DPYSL2: variants seen among roughly 807,000 people sequenced by gnomAD.
DPYSL2 encodes dihydropyrimidinase-related protein 2.
Under a neutral mutation model 69.9 loss-of-function variants are expected in DPYSL2, and 13 were observed. That is an observed-to-expected ratio of 0.19 (90% CI 0.12 to 0.30). DPYSL2 has a LOEUF of 0.30. Ranked by LOEUF, DPYSL2 falls within the 10% of genes least tolerant of loss-of-function variation. DPYSL2 has a pLI of 1.00. For synonymous variants in DPYSL2, 326 were observed against 359.1 expected (o/e 0.91, Z 1.04); for missense variants, 587 against 918.9 (o/e 0.64, Z 4.67).
intron 1 of DPYSL2, among the ~76,000 whole-genome samples, chr8:26,539,562 C>G (rs1800646611): frequency 6.6e-6 from 1 of 152,150 alleles, no homozygotes; most frequent in Non-Finnish European, 1.5e-5. Flanking sequence ...TATTTATAGA[C>G]AGAGTCTCAC....
At chr8:26,558,242 C>G (rs957346127) in intron 1 of DPYSL2, among the ~76,000 whole-genome samples, 2 of 152,064 alleles carry the variant, frequency 1.3e-5, no homozygotes, top group Non-Finnish European at 2.9e-5. Flanking sequence ...CATTCAGACA[C>G]TGGAATATTA....
rs983983873 is a variant in DPYSL2, at chr8:26,514,153, C to T, written c.-173C>T. ...GGAGAAGCGGGGTCAGGGGGAGGGA[C>T]CGGGAGGGTGGGTCGCCGGCTCGCC... On this transcript the variant is annotated 5_prime_UTR_variant, in exon 1 of 14. Transcript: ENST00000521913. The surrounding 1 kb of genome is among the most constrained non-coding windows in gnomAD (Gnocchi z 8.4). 2.1e-6 allele frequency: 1 copy of T among 485,186 alleles called. No individual in the cohort carries two copies. The highest frequency in any genetic ancestry group is 3.4e-6 in the Non-Finnish European group (1 of 293,762). The allele number at this position is 485,186 out of a possible 1,614,324, so 30.1% of individuals were successfully genotyped here.
At chr8:26,596,659 C>T (rs1044492887) in intron 3 of DPYSL2, among the ~76,000 whole-genome samples, 1 of 152,200 alleles carries the variant, frequency 6.6e-6, no homozygotes, top group Admixed American at 6.5e-5. Flanking sequence ...TTCCATCAAC[C>T]CCGAAGATAG....
rs1426050353 is a variant in DPYSL2 at position 26,609,827 on chromosome 8, G to A, written c.629-14316G>A. On this transcript the variant is annotated intron_variant, in intron 3 of 13. Coordinates refer to ENST00000521913, the MANE Select transcript of DPYSL2 (RefSeq NM_001197293.3). The surrounding 1 kb of genome is among the most constrained non-coding windows in gnomAD (Gnocchi z 6.5). ...GCACTCTTTCTGTAATTTGTTCATC[G>A]CCTGGAATTTATTTCTGGCAGACTT... Among the ~76,000 whole-genome samples the A allele has an allele frequency of 2.6e-5, 4 of 152,274 alleles. No homozygotes were observed. The South Asian group carries it at 6.2e-4, about 24-fold the overall frequency.
chr8:26,650,578 G>A lies in DPYSL2; in HGVS notation c.1597-1679G>A, dbSNP rs536810718. On this transcript the variant is annotated intron_variant, in intron 11 of 13. Transcript: ENST00000521913. The surrounding 1 kb of genome is among the most constrained non-coding windows in gnomAD (Gnocchi z 5.3). ...AGTCACACAACTTCTGGATTTTACC[G>A]TATCTGAGATGCCATCGATTTTAAG... 4.6e-5 allele frequency among the ~76,000 whole-genome samples: 7 copies of A among 152,184 alleles called. No individual in the cohort carries two copies. The South Asian group carries it at 1.0e-3, about 23-fold the overall frequency.
At chr8:26,527,674 C>T (rs1353171714) in intron 1 of DPYSL2, among the ~76,000 whole-genome samples, 1 of 151,760 alleles carries the variant, frequency 6.6e-6, no homozygotes, top group East Asian at 1.9e-4. Flanking sequence ...AAAATTATCA[C>T]AATATTATTT....
chr8:26,611,429 C>T (rs979699617), intron 3 of DPYSL2, among the ~76,000 whole-genome samples: 2 of 152,114 alleles, frequency 1.3e-5, no homozygotes, highest in East Asian at 1.9e-4. Flanking sequence ...CTGGAGGACA[C>T]GGTGGTGGTG....
At chr8:26,521,416 C>T (rs1330229116) in intron 1 of DPYSL2, among the ~76,000 whole-genome samples, 1 of 152,098 alleles carries the variant, frequency 6.6e-6, no homozygotes, top group Non-Finnish European at 1.5e-5. Flanking sequence ...ATCTCTAATG[C>T]TCCTTCTATC....
rs1044161610 is a variant in DPYSL2, at chr8:26,514,894, C to T, written c.354+215C>T. On this transcript the variant is annotated intron_variant, in intron 1 of 13. Transcript: ENST00000521913. This position sits in a 1 kb window ranked among gnomAD's most constrained non-coding sequence, Gnocchi z 8.4. ...GCCGTGCGCCCACAAAGGCTGCCCG[C>T]GTCTCCTTGAGCTTGAGAGGTGGGG... Among the ~76,000 whole-genome samples, 4 of 152,196 alleles carry T rather than the reference C, an allele frequency of 2.6e-5. No individual in the cohort carries two copies. Among genetic ancestry groups the T allele is most frequent in the Admixed American group, 2.6e-4 (4 of 15,284 alleles).
intron 1 of DPYSL2, among the ~76,000 whole-genome samples, chr8:26,578,929 T>C (rs1801422528): frequency 6.8e-6 from 1 of 146,010 alleles, no homozygotes; most frequent in African/African-American, 2.5e-5. Flanking sequence ...CGGGGGCTTC[T>C]TGTTGGCCAG....
rs531786533 is a variant in DPYSL2 at position 26,657,929 on chromosome 8, A to T, written c.*2223A>T. On this transcript the variant is annotated 3_prime_UTR_variant, in exon 14 of 14. Coordinates refer to ENST00000521913, the MANE Select transcript of DPYSL2 (RefSeq NM_001197293.3). Reference sequence around the variant, plus strand: ...ATAACTGCAGTGACTTGATGCTCTAAAACAGTGTAGGATTTAAGAATAGAT... The same window carrying T: ...ATAACTGCAGTGACTTGATGCTCTATAACAGTGTAGGATTTAAGAATAGAT... The T allele has an allele frequency of 6.5e-6, 1 of 152,776 alleles. No homozygotes were observed. Among genetic ancestry groups the T allele is most frequent in the East Asian group, 1.9e-4 (1 of 5,192 alleles). 9.5% of individuals were successfully genotyped at this position (152,776 alleles called of 1,614,324 possible).
chr8:26,569,448 G>A (rs1485563939), intron 1 of DPYSL2, among the ~76,000 whole-genome samples: 1 of 152,060 alleles, frequency 6.6e-6, no homozygotes, highest in East Asian at 1.9e-4. Flanking sequence ...GCATATCTGG[G>A]AGGCAACAGG....
chr8:26,582,064 G>C lies in DPYSL2; in HGVS notation c.443+7G>C, dbSNP rs777369069. ...TGGAAGATGGGTTGATCAAGTAAGTGTAACTCATGATATACAGATGTATTT... is the reference window on the plus strand; with the variant it reads ...TGGAAGATGGGTTGATCAAGTAAGTCTAACTCATGATATACAGATGTATTT... On this transcript the variant is annotated splice_region_variant and intron_variant, in intron 2 of 13. Coordinates refer to ENST00000521913, the MANE Select transcript of DPYSL2 (RefSeq NM_001197293.3). The surrounding 1 kb of genome is among the most constrained non-coding windows in gnomAD (Gnocchi z 4.1). 1.9e-6 allele frequency: 3 copies of C among 1,607,542 alleles called. No individual in the cohort carries two copies. The Admixed American group carries it at 5.0e-5, about 27-fold the overall frequency.
chr8:26,556,052 A>G (rs1319641113), intron 1 of DPYSL2, among the ~76,000 whole-genome samples: 1 of 91,798 alleles, frequency 1.1e-5, no homozygotes, highest in East Asian at 2.9e-4. Flanking sequence ...AGTTTATAGT[A>G]TATATAAATT....
chr8:26,603,771 C>A (rs1421157188), intron 3 of DPYSL2, among the ~76,000 whole-genome samples: 1 of 152,168 alleles, frequency 6.6e-6, no homozygotes, highest in Non-Finnish European at 1.5e-5. Flanking sequence ...TATGACATTG[C>A]AGAATGGCCC....
At chr8:26,578,780 A>C (rs1051719539) in intron 1 of DPYSL2, among the ~76,000 whole-genome samples, 1 of 152,204 alleles carries the variant, frequency 6.6e-6, no homozygotes, top group Non-Finnish European at 1.5e-5. Context: ...GGTCCTTGGA[A>C]AAAGGAGCGG....
Position 26,614,949 on chromosome 8 carries a change from T to C in DPYSL2, c.629-9194T>C, listed in dbSNP as rs1337955119. On this transcript the variant is annotated intron_variant, in intron 3 of 13. Transcript: ENST00000521913. The surrounding 1 kb of genome is among the most constrained non-coding windows in gnomAD (Gnocchi z 4.9). ...CAATTAACTAGCCCTCTTGCTCTCT[T>C]TTGATCACACGTTCTGGGGTCAGAT... 6.6e-6 allele frequency among the ~76,000 whole-genome samples: 1 copy of C among 152,210 alleles called. No individual in the cohort carries two copies. The highest frequency in any genetic ancestry group is 1.5e-5 in the Non-Finnish European group (1 of 68,034).
chr8:26,598,637 C>T lies in DPYSL2; in HGVS notation c.628+14654C>T, dbSNP rs1297627010. Among the ~76,000 whole-genome samples the T allele has an allele frequency of 1.3e-5, 2 of 152,142 alleles. No homozygotes were observed. The highest frequency in any genetic ancestry group is 1.9e-4 in the East Asian group (1 of 5,192). On this transcript the variant is annotated intron_variant, in intron 3 of 13. Transcript: ENST00000521913. The surrounding 1 kb of genome is among the most constrained non-coding windows in gnomAD (Gnocchi z 4.2). ...ATTTGAGGCATTTGATCATTTTTTC[C>T]CGTTAGCTTACAGCACAAAGTACTT... is the stretch of plus-strand genomic sequence containing the variant.
rs1801509126 is a variant in DPYSL2, at chr8:26,582,328, C to T, written c.443+271C>T. Among the ~76,000 whole-genome samples the T allele has an allele frequency of 6.6e-6, 1 of 152,172 alleles. No homozygotes were observed. Among genetic ancestry groups the T allele is most frequent in the African/African-American group, 2.4e-5 (1 of 41,422 alleles). ...GAGGTGATATGATATCTTTCTGTTG[C>T]CAGCTCAAATACTTGGTTTGTGATA... On this transcript the variant is annotated intron_variant, in intron 2 of 13. Coordinates refer to ENST00000521913, the MANE Select transcript of DPYSL2 (RefSeq NM_001197293.3). This position sits in a 1 kb window ranked among gnomAD's most constrained non-coding sequence, Gnocchi z 4.1.
Sources: gnomAD v4.1 joint callset for allele counts (sites outside exome capture counted in the v4.1 genomes callset) on GRCh38, gnomAD v4.1.1 for gene constraint, Gnocchi (gnomAD v3.1) non-coding constraint, MANE v1.5 for transcripts, NCBI Gene and HGNC (gene_info 2026-07-23, HGNC 2026-07-21) for gene names.